ZNF701: variants seen among roughly 807,000 people sequenced by gnomAD.
ZNF701 encodes the protein zinc finger protein 701.
A neutral mutation model predicts 7.1 loss-of-function variants in ZNF701; 6 were observed. That is an observed-to-expected ratio of 0.84 (90% CI 0.46 to 1.66). ZNF701 has a LOEUF of 1.66. ZNF701 is among the 40% of genes most tolerant of loss of function. ZNF701 has a pLI of 0.01. For missense variants in ZNF701, 541 were observed against 559.2 expected, an observed-to-expected ratio of 0.97 and a Z score of 0.33; for synonymous variants, 166 against 188.2, an observed-to-expected ratio of 0.88 and a Z score of 0.97.
intron 3 of ZNF701, among the ~76,000 whole-genome samples, chr19:52,576,430 C>T (rs1805515421): frequency 6.6e-6 from 1 of 151,880 alleles, no homozygotes; most frequent in South Asian, 2.1e-4. Context: ...AATCCCAGCT[C>T]CTAGAAAGGC....
At chr19:52,595,449 T>C in the ZNF701 span, among the ~76,000 whole-genome samples, 1 of 152,050 alleles carries the variant, frequency 6.6e-6, no homozygotes, top group Non-Finnish European at 1.5e-5. Flanking sequence ...TTTTTGTATT[T>C]TTAGTACAGA....
At chr19:52,596,355 T>G in the ZNF701 span, 178,472 of 397,140 alleles carry the variant, frequency 0.45, 40,427 homozygotes, top group Middle Eastern at 0.54. Flanking sequence ...CTTCATACTG[T>G]ACAGAAACAT....
chr19:52,583,866 G>A lies in ZNF701; in HGVS notation c.*409G>A, dbSNP rs2059992720. 2.1e-6 allele frequency: 1 copy of A among 475,252 alleles called. No individual in the cohort carries two copies. The highest frequency in any genetic ancestry group is 4.1e-6 in the Non-Finnish European group (1 of 244,900). 29.4% of individuals were successfully genotyped at this position (475,252 alleles called of 1,614,324 possible). On this transcript the variant is annotated 3_prime_UTR_variant, in exon 4 of 4. Coordinates refer to ENST00000391785, the MANE Select transcript of ZNF701 (RefSeq NM_018260.3). ...ACATTGGAGAATCCATAATGAAGGAGGTCTTACAAGTGTAATAAATGTGGC... is the reference window on the plus strand; with the variant it reads ...ACATTGGAGAATCCATAATGAAGGAAGTCTTACAAGTGTAATAAATGTGGC...
chr19:52,581,311 G>A (rs114797492), intron 3 of ZNF701, among the ~76,000 whole-genome samples: 2,421 of 151,466 alleles, frequency 0.016, 73 homozygotes, highest in African/African-American at 0.056. Flanking sequence ...TCTTGGCCTC[G>A]CGGGTTCAAG....
In ZNF701 at chr19:52,586,847, T is replaced by C. The variant is rs1600092685; in HGVS notation, c.*3390T>C. ...TAGTTGTAGTTTGAACTTTAAAGGA[T>C]TCCAGTCCTCCGAAAAACAGGATTA... On this transcript the variant is annotated 3_prime_UTR_variant, in exon 4 of 4. Coordinates refer to ENST00000391785, the MANE Select transcript of ZNF701 (RefSeq NM_018260.3). 3 of 152,148 alleles carry C rather than the reference T, an allele frequency of 2.0e-5. No individual in the cohort carries two copies. Among genetic ancestry groups the C allele is most frequent in the South Asian group, 4.1e-4 (2 of 4,828 alleles). The allele number at this position is 152,148 out of a possible 1,614,324, so 9.4% of individuals were successfully genotyped here.
chr19:52,579,045 C>CTTTTTAGAAATTTTTATTTTT lies in ZNF701; in HGVS notation c.142+3024_142+3025insTTTTTAGAAATTTTTATTTTT, dbSNP rs1455988314. 2.0e-3 allele frequency among the ~76,000 whole-genome samples: 282 copies of CTTTTTAGAAATTTTTATTTTT among 143,712 alleles called. 3 individuals are homozygous for CTTTTTAGAAATTTTTATTTTT. The highest frequency in any genetic ancestry group is 6.8e-3 in the Middle Eastern group (2 of 292). 94.3% of individuals were successfully genotyped at this position (143,712 alleles called of 152,430 possible). A position where few individuals can be genotyped will look rare whatever the true frequency, so the allele number is the denominator to read the frequency against. ...ACAGACGTGAGCCACCGCGCCCCGC[C>CTTTTTAGAAATTTTTATTTTT]GTGCCCATTTCTTTCAGTAAACAGA... is the stretch of plus-strand genomic sequence containing the variant. On this transcript the variant is annotated intron_variant, in intron 3 of 3. Coordinates refer to ENST00000391785, the MANE Select transcript of ZNF701 (RefSeq NM_018260.3).
At chr19:52,589,471 A>G (rs1600095376), downstream of ZNF701, among the ~76,000 whole-genome samples, 1 of 141,288 alleles carries the variant, frequency 7.1e-6, no homozygotes, top group African/African-American at 2.6e-5. Context: ...GTTCTTTCAC[A>G]TGCCTGCTTT....
Position 52,583,828 on chromosome 19 carries a change from C to A in ZNF701, c.*371C>A. On this transcript the variant is annotated 3_prime_UTR_variant, in exon 4 of 4. Transcript: ENST00000391785. ...TGTCACAAAGTCTTCAGTAATATTA[C>A]AGCCATTGCAAAACATTGGAGAATC... 1 of 554,246 alleles carries A rather than the reference C, an allele frequency of 1.8e-6. No individual in the cohort carries two copies. 34.3% of individuals were successfully genotyped at this position (554,246 alleles called of 1,614,324 possible). A position where few individuals can be genotyped will look rare whatever the true frequency, so the allele number is the denominator to read the frequency against.
At chr19:52,593,822 TCA>T in the ZNF701 span, among the ~76,000 whole-genome samples, 2 of 110,324 alleles carry the variant, frequency 1.8e-5, 1 homozygote, top group African/African-American at 7.2e-5. Context: ...GAGACGCTCC[TCA>T]CTTTCCAGAC....
Position 52,582,708 on chromosome 19 carries a change from C to G in ZNF701, c.649C>G (p.Arg217Gly), listed in dbSNP as rs148286783. The change falls in exon 4 of 4, where the codon CGT becomes GGT. Residue 217 changes from arginine to glycine, a missense_variant. Arg to Gly is a moderately radical substitution (Grantham distance 125). Transcript: ENST00000391785. ...EVHTREKSFQ[R>G]NESGKAFNGS... ...ACACACAAGAGAAAAATCTTTCCAA[C>G]GTAATGAGAGTGGCAAAGCCTTTAA... 5 of 1,613,960 alleles carry G rather than the reference C, an allele frequency of 3.1e-6. No homozygotes were observed.
At chr19:52,597,239 T>C in the ZNF701 span, 2 of 549,656 alleles carry the variant, frequency 3.6e-6, no homozygotes, top group South Asian at 2.8e-5. Flanking sequence ...GGAGAATTCA[T>C]ACAGGAGAGA....
intron 1 of ZNF701, chr19:52,572,126 TCAC>T: frequency 3.4e-6 from 1 of 292,944 alleles, no homozygotes; most frequent in Non-Finnish European, 6.7e-6. Context: ...CCCGGCCTAC[TCAC>T]CACCACCTTT....
chr19:52,596,988 G>A, the ZNF701 span: 2 of 912,308 alleles, frequency 2.2e-6, no homozygotes, highest in Non-Finnish European at 3.4e-6. Flanking sequence ...AGCAATCCAT[G>A]GTGTAGGGAA....
At chr19:52,595,277 C>CT in the ZNF701 span, among the ~76,000 whole-genome samples, 2,757 of 147,840 alleles carry the variant, frequency 0.019, 51 homozygotes, top group African/African-American at 0.044. Context: ...ACCATCTGTA[C>CT]TTTTTTTTTT....
At chr19:52,589,830 G>C (rs2060029782), downstream of ZNF701, among the ~76,000 whole-genome samples, 1 of 151,752 alleles carries the variant, frequency 6.6e-6, no homozygotes, top group Non-Finnish European at 1.5e-5. Flanking sequence ...GTCTTGCTCT[G>C]TTGCCAGGCT....
chr19:52,595,086 A>G, the ZNF701 span, among the ~76,000 whole-genome samples: 1 of 151,948 alleles, frequency 6.6e-6, no homozygotes, highest in Non-Finnish European at 1.5e-5. Flanking sequence ...GGTTCAAGTG[A>G]TTCTCCTGCC....
intron 3 of ZNF701, among the ~76,000 whole-genome samples, chr19:52,576,438 G>A: frequency 6.6e-6 from 1 of 152,032 alleles, no homozygotes. Flanking sequence ...CTCCTAGAAA[G>A]GCTGATGAAA....
chr19:52,598,171 C>G, the ZNF701 span: 9 of 152,182 alleles, frequency 5.9e-5, no homozygotes, highest in Non-Finnish European at 1.3e-4. Context: ...GTCTCGATCT[C>G]CTGACCTCGT....
chr19:52,577,922 C>T (rs990364676), intron 3 of ZNF701, among the ~76,000 whole-genome samples: 3 of 151,890 alleles, frequency 2.0e-5, no homozygotes, highest in East Asian at 1.9e-4. Flanking sequence ...TAGTAGATAG[C>T]GGTAGAAGGA....
Sources: gnomAD v4.1 joint callset for allele counts (sites outside exome capture counted in the v4.1 genomes callset) on GRCh38, gnomAD v4.1.1 for gene constraint, MANE v1.5 for transcripts, NCBI Gene and HGNC (gene_info 2026-07-23, HGNC 2026-07-21) for gene names.